The following PPARGC1A variants were observed in gnomAD, a reference collection of about 807,000 sequenced individuals.
The protein encoded by PPARGC1A is PPARG coactivator 1 alpha.
PPARGC1A carries 25 observed loss-of-function variants against 88.7 expected under a neutral mutation model. That is an observed-to-expected ratio of 0.28 (90% CI 0.21 to 0.39). The LOEUF (loss-of-function observed/expected upper bound fraction) is 0.39. Among genes scored for constraint, PPARGC1A ranks in the 10% least tolerant of loss-of-function variants. The pLI, the probability that PPARGC1A is intolerant of heterozygous loss-of-function variation, is 1.00. For missense variants in PPARGC1A, 880 were observed against 968.7 expected (o/e 0.91, Z 1.22); for synonymous variants, 363 against 355.6 (o/e 1.02, Z -0.24).
intron 7 of PPARGC1A, among the ~76,000 whole-genome samples, chr4:23,820,188 G>A (rs1358049390): frequency 6.6e-6 from 1 of 152,086 alleles, no homozygotes; most frequent in Admixed American, 6.6e-5. Context: ...AAAAAATTAA[G>A]TAAAAAATAA....
chr4:23,895,778 C>T (rs1366653284), intron 1 of PPARGC1A, among the ~76,000 whole-genome samples: 1 of 151,982 alleles, frequency 6.6e-6, no homozygotes, highest in African/African-American at 2.4e-5. Flanking sequence ...AGACCTAGAA[C>T]ATCTACTTCT....
chr4:24,271,111 G>C, the PPARGC1A span, among the ~76,000 whole-genome samples: 1 of 152,098 alleles, frequency 6.6e-6, no homozygotes, highest in Admixed American at 6.5e-5. Context: ...ATATAAGATG[G>C]TGATTTGTTC....
chr4:24,291,788 G>A, the PPARGC1A span, among the ~76,000 whole-genome samples: 2 of 152,182 alleles, frequency 1.3e-5, no homozygotes, highest in Admixed American at 6.5e-5. Context: ...AAAAGAGCAA[G>A]AAGAAAACCA....
At chr4:24,287,860 G>A in the PPARGC1A span, among the ~76,000 whole-genome samples, 3 of 152,120 alleles carry the variant, frequency 2.0e-5, no homozygotes, top group East Asian at 5.8e-4. Flanking sequence ...TGACCTGTCT[G>A]GTTCTAGAGT....
chr4:23,890,428 T>G (rs972460867), upstream of PPARGC1A, among the ~76,000 whole-genome samples: 3 of 152,050 alleles, frequency 2.0e-5, no homozygotes, highest in Non-Finnish European at 4.4e-5. Context: ...GCTCCCTGTT[T>G]CATGACAGAG....
chr4:24,267,033 A>C, the PPARGC1A span, among the ~76,000 whole-genome samples: 1 of 152,172 alleles, frequency 6.6e-6, no homozygotes. Flanking sequence ...CTGAAACTGC[A>C]TTCATCAGCC....
the PPARGC1A span, among the ~76,000 whole-genome samples, chr4:23,985,467 AATT>A: frequency 1.3e-5 from 1 of 79,456 alleles, no homozygotes. Context: ...ATATCTCTGC[AATT>A]TTTTTTTTTT....
At chr4:24,040,721 T>G in the PPARGC1A span, among the ~76,000 whole-genome samples, 1 of 152,236 alleles carries the variant, frequency 6.6e-6, no homozygotes, top group Non-Finnish European at 1.5e-5. Flanking sequence ...TTGAATATAG[T>G]GCAACCATAG....
the PPARGC1A span, among the ~76,000 whole-genome samples, chr4:24,213,409 G>A: frequency 6.6e-4 from 100 of 152,056 alleles, 2 homozygotes; most frequent in South Asian, 0.018. Context: ...CTCGTGATCC[G>A]CCCGCCTCGG....
the PPARGC1A span, among the ~76,000 whole-genome samples, chr4:24,368,108 T>C: frequency 1.3e-5 from 2 of 152,220 alleles, no homozygotes; most frequent in Admixed American, 6.5e-5. Context: ...TAATTCACTC[T>C]CAAGTCACAG....
the PPARGC1A span, among the ~76,000 whole-genome samples, chr4:24,122,432 T>TAGAGAG: frequency 4.4e-5 from 6 of 135,838 alleles, no homozygotes; most frequent in African/African-American, 1.4e-4. Context: ...TATATATATA[T>TAGAGAG]ATATAGAGAG....
chr4:24,324,779 A>C, the PPARGC1A span, among the ~76,000 whole-genome samples: 64 of 152,198 alleles, frequency 4.2e-4, no homozygotes, highest in South Asian at 1.5e-3. Context: ...GTGCCCAGTG[A>C]AACTCGTCCC....
At chr4:23,799,553 G>GA (rs1176490212) in intron 12 of PPARGC1A, among the ~76,000 whole-genome samples, 1 of 152,122 alleles carries the variant, frequency 6.6e-6, no homozygotes, top group African/African-American at 2.4e-5. Context: ...ATGGAGCTCA[G>GA]AAAAAAACTA....
At chr4:24,101,612 A>T in the PPARGC1A span, among the ~76,000 whole-genome samples, 7 of 152,332 alleles carry the variant, frequency 4.6e-5, no homozygotes, top group Non-Finnish European at 8.8e-5. Flanking sequence ...TAAGGTATCC[A>T]TTTTTTAAGA....
intron 2 of PPARGC1A, among the ~76,000 whole-genome samples, chr4:23,880,510 C>T (rs1715709224): frequency 6.6e-6 from 1 of 152,182 alleles, no homozygotes; most frequent in African/African-American, 2.4e-5. Flanking sequence ...TGCTCATGGT[C>T]TGTTGAACTG....
At chr4:24,374,403 A>G in the PPARGC1A span, among the ~76,000 whole-genome samples, 2 of 151,266 alleles carry the variant, frequency 1.3e-5, no homozygotes, top group African/African-American at 2.4e-5. Flanking sequence ...GGGGTCTATC[A>G]GAGGGTGGGG....
At chr4:24,119,325 A>G in the PPARGC1A span, among the ~76,000 whole-genome samples, 11 of 152,298 alleles carry the variant, frequency 7.2e-5, no homozygotes, top group South Asian at 2.1e-3. Flanking sequence ...CACCAGAAGC[A>G]CATTCGGAAT....
At chr4:24,001,546 T>C in the PPARGC1A span, among the ~76,000 whole-genome samples, 20 of 152,302 alleles carry the variant, frequency 1.3e-4, no homozygotes, top group African/African-American at 4.8e-4. Context: ...AAATAGTGTA[T>C]TTTTGTGCCA....
the PPARGC1A span, among the ~76,000 whole-genome samples, chr4:23,995,796 G>A: frequency 6.6e-6 from 1 of 152,106 alleles, no homozygotes. Flanking sequence ...CATCCTGATT[G>A]TCATTTACCT....
Sources: gnomAD v4.1 joint callset for allele counts (sites outside exome capture counted in the v4.1 genomes callset) on GRCh38, gnomAD v4.1.1 for gene constraint, MANE v1.5 for transcripts, NCBI Gene and HGNC (gene_info 2026-07-23, HGNC 2026-07-21) for gene names.